Variants in LPA observed in about 807,000 individuals in gnomAD.
LPA encodes lipoprotein(a), also known as apolipoprotein(a).
LPA carries 199 observed loss-of-function variants against 197.9 expected under a neutral mutation model. That is an observed-to-expected ratio of 1.01 (90% CI 0.90 to 1.13). LPA has a LOEUF of 1.13. Ranked by LOEUF, LPA falls within the 50% of genes most tolerant of loss-of-function variation. The pLI, the probability that LPA is intolerant of heterozygous loss-of-function variation, is 0.00. For synonymous variants in LPA, 715 were observed against 639.5 expected (o/e 1.12, Z -1.78); for missense variants, 1,853 against 1,785.8 (o/e 1.04, Z -0.68).
At chr6:160,599,367 A>T in intron 20 of LPA, 133 bp downstream of exon 20, 2 of 1,370,174 alleles carry the variant, frequency 1.5e-6, no homozygotes, top group Non-Finnish European at 2.1e-6. Flanking sequence ...TTCTCTAAGA[A>T]CTTTTGCTCA....
chr6:160,579,951 A>G (rs1036201000), intron 26 of LPA, among the ~76,000 whole-genome samples: 2 of 152,202 alleles, frequency 1.3e-5, no homozygotes, highest in African/African-American at 4.8e-5. Context: ...TGATAAATAC[A>G]TATACTTGTG....
At position 160,542,700 on chromosome 6, in the gene LPA, C is replaced by T; in HGVS notation, c.5507G>A (p.Ser1836Asn). 6.2e-7 allele frequency: 1 copy of T among 1,613,716 alleles called. No individual in the cohort carries two copies. The highest frequency in any genetic ancestry group is 8.5e-7 in the Non-Finnish European group (1 of 1,179,964). The change falls in exon 34 of 39, where the codon AGT becomes AAT. Residue 1836 changes from serine (S) to asparagine (N), a missense_variant. This residue lies in a region of LPA where 1,737 missense variants were observed against 1,504.4 expected (regional missense o/e 1.15). Transcript: ENST00000316300. ...GGCCTGTTCTTACCTTGTTCTGAGA[C>T]TGACTTGCCAGGGCCAGGAATGTGG... ...AHPHSWPWQV[S>N]LRTRFGKHFC... is the part of the protein sequence containing the mutation.
intron 28 of LPA, among the ~76,000 whole-genome samples, chr6:160,570,255 A>G (rs1373053935): frequency 6.6e-6 from 1 of 152,246 alleles, no homozygotes; most frequent in Non-Finnish European, 1.5e-5. Flanking sequence ...TCAATGGTAG[A>G]CTGGATTAAG....
Position 160,547,837 on chromosome 6 carries a change from G to C in LPA, c.5256C>G (p.His1752Gln), listed in dbSNP as rs369329857. 3.5e-5 allele frequency: 57 copies of C among 1,614,018 alleles called. No individual in the cohort carries two copies. The highest frequency in any genetic ancestry group is 4.6e-5 in the Non-Finnish European group (54 of 1,180,028). Residue 1752 changes from histidine (H) to glutamine (Q), a missense_variant, in exon 32 of 39, where the codon CAC becomes CAG. Coordinates refer to ENST00000316300, the MANE Select transcript of LPA (RefSeq NM_005577.4). ...QEWAAQEPHR[H>Q]STFIPGTNKW... ...TATTTGTCCCTGGAATGAACGTGCT[G>C]TGTCTATGGGGCTCCTGGGCAGCCC...
At chr6:160,577,066 A>T in intron 28 of LPA, 70 bp downstream of exon 28, 2 of 1,581,074 alleles carry the variant, frequency 1.3e-6, no homozygotes, top group Non-Finnish European at 1.7e-6. Flanking sequence ...AAGTGAGCTT[A>T]AAGCATGGGT....
chr6:160,652,175 A>G (rs1470123617), intron 1 of LPA, among the ~76,000 whole-genome samples: 1 of 152,060 alleles, frequency 6.6e-6, no homozygotes, highest in East Asian at 1.9e-4. Context: ...TTACAAAAAC[A>G]ATAAAAATCA....
At chr6:160,547,759 G>C (rs1429685292) in intron 32 of LPA, 30 bp downstream of exon 32, 8 of 1,613,752 alleles carry the variant, frequency 5.0e-6, no homozygotes, top group Non-Finnish European at 6.8e-6. Context: ...GTCAGCAAAG[G>C]GAAAAAGAGT....
chr6:160,634,508 G>A (rs1443382305), intron 7 of LPA, among the ~76,000 whole-genome samples: 1 of 138,276 alleles, frequency 7.2e-6, no homozygotes, highest in Non-Finnish European at 1.5e-5. Context: ...TGCAGTAAAG[G>A]AGAAGTCTAC....
Position 160,552,976 on chromosome 6 carries a change from G to T in LPA, c.4973+3049C>A, listed in dbSNP as rs141787578. ...TTCCTCTTACTATCCATTCCTCTCA[G>T]TTTAAATTTTTTTGGTTGTCCTAGG... On this transcript the variant is annotated intron_variant, in intron 30 of 38. Transcript: ENST00000316300. 1.3e-3 allele frequency among the ~76,000 whole-genome samples: 192 copies of T among 151,786 alleles called. 1 individual carries two copies. In the Middle Eastern group the frequency reaches 0.014, roughly 11 times the overall value.
At chr6:160,578,812 T>C in intron 26 of LPA, 108 bp from the exon 27 acceptor site, 1 of 1,479,058 alleles carries the variant, frequency 6.8e-7, no homozygotes, top group East Asian at 2.3e-5. Context: ...GCCTTTGAAA[T>C]ATTCCCATTA....
At chr6:160,594,147 A>G (rs776287958) in intron 21 of LPA, 30 bp from the exon 22 acceptor site, 128 of 1,613,102 alleles carry the variant, frequency 7.9e-5, no homozygotes, top group Non-Finnish European at 1.0e-4. Flanking sequence ...AATCAAGCTG[A>G]GTAATTTCTA....
Position 160,531,863 on chromosome 6 carries a change from A to G in LPA, c.5989T>C (p.Phe1997Leu), listed in dbSNP as rs2114990836. Reference sequence around the variant, plus strand: ...TGTAAAATGTATTTGTCCTTCTCGAAGCAAACCAGAGGCCCTCCACTGTCA... The same window carrying G: ...TGTAAAATGTATTTGTCCTTCTCGAGGCAAACCAGAGGCCCTCCACTGTCA... ...QGDSGGPLVC[F>L]EKDKYILQGV... Residue 1997 changes from phenylalanine to leucine, a missense_variant, in exon 39 of 39, where the codon TTC (phenylalanine) becomes CTC (leucine). Physicochemically the swap from Phe to Leu is conservative, Grantham distance 22 (BLOSUM62 0). Coordinates refer to ENST00000316300, the MANE Select transcript of LPA (RefSeq NM_005577.4). The G allele has an allele frequency of 6.2e-7, 1 of 1,614,118 alleles. No individual in the cohort carries two copies.
intron 16 of LPA, among the ~76,000 whole-genome samples, chr6:160,608,124 A>G (rs1779400400): frequency 6.6e-6 from 1 of 152,180 alleles, no homozygotes; most frequent in Admixed American, 6.5e-5. Flanking sequence ...TTGGTCAAGA[A>G]AATATTTTGC....
chr6:160,591,398 A>T (rs914635327), intron 22 of LPA, among the ~76,000 whole-genome samples: 1 of 152,198 alleles, frequency 6.6e-6, no homozygotes, highest in Admixed American at 6.5e-5. Flanking sequence ...CCTTCTGCCA[A>T]ATATGTTACT....
chr6:160,611,480 A>G (rs559317834), intron 16 of LPA, 82 bp downstream of exon 16: 2 of 1,575,582 alleles, frequency 1.3e-6, no homozygotes, highest in Admixed American at 3.3e-5. Flanking sequence ...TTGAGTTCGG[A>G]GAACTCAGCT....
At chr6:160,588,235 C>A (rs1187256330) in intron 24 of LPA, among the ~76,000 whole-genome samples, 2 of 151,690 alleles carry the variant, frequency 1.3e-5, no homozygotes, top group Non-Finnish European at 2.9e-5. Flanking sequence ...GTATTTGTCC[C>A]TTGCCTCTAA....
chr6:160,540,182 A>T lies in LPA; in HGVS notation c.5596T>A (p.Ser1866Thr). ...ACCTTGTAGGATGAAGGCCTTGAGG[A>T]CCTAGAAAAGATGAGGATGTCAAGA... Reference protein sequence around the residue: ...VLTAAHCLKKSSRPSSYKVIL... With the variant: ...VLTAAHCLKKTSRPSSYKVIL... The change falls in exon 36 of 39, where the codon TCC becomes ACC. Residue 1866 changes from serine to threonine, a missense_variant and splice_region_variant. Around this residue, in one of 3 missense-constraint regions of LPA, gnomAD observed 1,737 missense variants for 1,504.4 expected, o/e 1.15. Transcript: ENST00000316300. 6.2e-7 allele frequency: 1 copy of T among 1,614,134 alleles called. No homozygotes were observed. Among genetic ancestry groups the T allele is most frequent in the Non-Finnish European group, 8.5e-7 (1 of 1,180,030 alleles).
chr6:160,652,843 G>A (rs1000359613), intron 1 of LPA, among the ~76,000 whole-genome samples: 1 of 152,060 alleles, frequency 6.6e-6, no homozygotes, highest in Non-Finnish European at 1.5e-5. Flanking sequence ...TCATTTGAAG[G>A]TGGAATGTGA....
chr6:160,598,882 G>C (rs971578998), intron 20 of LPA, among the ~76,000 whole-genome samples: 16 of 152,200 alleles, frequency 1.1e-4, no homozygotes, highest in African/African-American at 3.4e-4. Context: ...AGCTTAGAAT[G>C]ATAGAATTCC....
Sources: allele counts gnomAD v4.1 joint callset (sites outside exome capture counted in the v4.1 genomes callset), GRCh38; gene constraint gnomAD v4.1.1; regional missense constraint gnomAD v4.1.1; transcripts MANE v1.5; gene names NCBI Gene and HGNC (gene_info 2026-07-23, HGNC 2026-07-21).